IPPK: variants seen among roughly 807,000 people sequenced by gnomAD.
IPPK encodes the protein inositol-pentakisphosphate 2-kinase.
A neutral mutation model predicts 64.6 loss-of-function variants in IPPK; 22 were observed. The observed-to-expected ratio is 0.34, with a 90% confidence interval of 0.24 to 0.49. The LOEUF is 0.49. IPPK is among the 20% of genes least tolerant of loss of function. The probability of loss-of-function intolerance (pLI) is 0.99; values close to 1 mark genes in which losing one functional copy is unlikely to be tolerated. For missense variants in IPPK, 532 were observed against 630.7 expected (o/e 0.84, Z 1.68); for synonymous variants, 262 against 247.2 (o/e 1.06, Z -0.56).
chr9:92,656,652 AG>A, intron 2 of IPPK, 101 bp from the exon 3 acceptor site: 3 of 751,158 alleles, frequency 4.0e-6, no homozygotes, highest in Non-Finnish European at 4.8e-6. Flanking sequence ...ACCACAAGCA[AG>A]GGGGACATCC....
At chr9:92,642,870 A>G (rs1009402884) in intron 6 of IPPK, 60 bp from the exon 7 acceptor site, 4 of 1,256,964 alleles carry the variant, frequency 3.2e-6, no homozygotes, top group African/African-American at 2.9e-5. Context: ...CACTGTGCCA[A>G]CTGAACACAC....
intron 8 of IPPK, among the ~76,000 whole-genome samples, chr9:92,639,222 G>T (rs1044660798): frequency 2.0e-5 from 3 of 151,830 alleles, no homozygotes; most frequent in South Asian, 2.1e-4. Context: ...CAATTTTTTT[G>T]ATTTTTTGTA....
intron 1 of IPPK, among the ~76,000 whole-genome samples, chr9:92,660,015 C>A (rs1196342079): frequency 6.6e-6 from 1 of 152,040 alleles, no homozygotes; most frequent in African/African-American, 2.4e-5. Context: ...AACAATCAAT[C>A]ATGGGAATCG....
At position 92,658,502 on chromosome 9, in the gene IPPK, C is replaced by T. The variant is rs112451856; in HGVS notation, c.129+132G>A. The T allele has an allele frequency of 6.9e-3, 5,361 of 777,172 alleles. 26 individuals carry two copies. Among genetic ancestry groups the T allele is most frequent in the Middle Eastern group, 9.2e-3 (26 of 2,826 alleles). The allele number at this position is 777,172 out of a possible 1,614,324, so 48.1% of individuals were successfully genotyped here. ...TTTTATATCAGGAATGATGGACACA[C>T]CACTTTCTGCACTGAATGCTTGTAT... On this transcript the variant is annotated intron_variant, in intron 2 of 12. Transcript: ENST00000287996.
intron 6 of IPPK, among the ~76,000 whole-genome samples, chr9:92,643,357 G>A (rs966825126): frequency 4.6e-5 from 7 of 152,174 alleles, no homozygotes; most frequent in Admixed American, 3.3e-4. Context: ...CGGCCTTACT[G>A]CTAATAGCAA....
chr9:92,640,207 CCTGA>C (rs1852018583), intron 8 of IPPK, among the ~76,000 whole-genome samples: 1 of 152,184 alleles, frequency 6.6e-6, no homozygotes, highest in South Asian at 2.1e-4. Context: ...GACCCGGCAC[CCTGA>C]CTGCCACCCA....
chr9:92,616,704 T>A (rs1040912132), intron 12 of IPPK: 1 of 152,504 alleles, frequency 6.6e-6, no homozygotes, highest in Non-Finnish European at 1.5e-5. Context: ...CGTGTGCTTA[T>A]AACAAGATGT....
chr9:92,649,328 A>G lies in IPPK; in HGVS notation c.414+125T>C, dbSNP rs1164574664. On this transcript the variant is annotated intron_variant, in intron 5 of 12. Coordinates refer to ENST00000287996, the MANE Select transcript of IPPK (RefSeq NM_022755.6). ...AAGGACAGAAACAAGTGGAGTTTCC[A>G]GGAGCCAAGGGTGCCTACCACTCAC... is the stretch of plus-strand genomic sequence containing the variant. 3.6e-6 allele frequency: 4 copies of G among 1,100,602 alleles called. No individual in the cohort carries two copies. In the South Asian group the frequency reaches 4.5e-5, roughly 12 times the overall value. The allele number at this position is 1,100,602 out of a possible 1,614,324, so 68.2% of individuals were successfully genotyped here.
chr9:92,631,238 C>G (rs1004850635), intron 11 of IPPK, among the ~76,000 whole-genome samples: 2 of 150,272 alleles, frequency 1.3e-5, no homozygotes, highest in African/African-American at 4.9e-5. Context: ...CTCTGTCACC[C>G]AGGCTGGAGT....
chr9:92,669,793 G>A, intron 1 of IPPK, 115 bp downstream of exon 1: 1 of 696,574 alleles, frequency 1.4e-6, no homozygotes, highest in Non-Finnish European at 2.4e-6. Context: ...CCGGGGAGGA[G>A]GAAGGTACTG....
intron 3 of IPPK, among the ~76,000 whole-genome samples, chr9:92,654,129 C>CA (rs1852324119): frequency 6.6e-6 from 1 of 152,178 alleles, no homozygotes; most frequent in African/African-American, 2.4e-5. Flanking sequence ...GGCCTGAACT[C>CA]ACAGTCACCC....
At chr9:92,655,084 C>A (rs1026651724) in intron 3 of IPPK, among the ~76,000 whole-genome samples, 9 of 152,214 alleles carry the variant, frequency 5.9e-5, no homozygotes, top group African/African-American at 1.9e-4. Flanking sequence ...CCCAGACCAG[C>A]GCCACACCCA....
chr9:92,656,044 G>A (rs552153452), intron 3 of IPPK, among the ~76,000 whole-genome samples: 5 of 152,276 alleles, frequency 3.3e-5, no homozygotes, highest in East Asian at 1.9e-4. Flanking sequence ...ATTGGGCAGC[G>A]GAGGCCCTTC....
chr9:92,630,595 A>G (rs982202366), intron 11 of IPPK, among the ~76,000 whole-genome samples: 2 of 152,204 alleles, frequency 1.3e-5, no homozygotes, highest in Non-Finnish European at 2.9e-5. Context: ...GCTAAGCTAC[A>G]AGAATGTTAG....
In IPPK at chr9:92,635,160, C is replaced by G. The variant is rs1851915590; in HGVS notation, c.1065G>C (p.Glu355Asp). ...VERYLEEFPEERKTLQIDGPY... is the reference protein window; with the variant it reads ...VERYLEEFPEDRKTLQIDGPY... ...ACAGGGGGACCGCCCGACCTCACCT[C>G]TCCTCGGGAAACTCTTCCAGGTATC... The change falls in exon 10 of 13, where the codon GAG (glutamate) becomes GAC (aspartate). Residue 355 changes from glutamate to aspartate, a missense_variant and splice_region_variant. Transcript: ENST00000287996. The surrounding 1 kb of genome is among the most constrained non-coding windows in gnomAD (Gnocchi z 4.4). The G allele has an allele frequency of 6.2e-7, 1 of 1,611,458 alleles. No homozygotes were observed. Among genetic ancestry groups the G allele is most frequent in the Admixed American group, 1.7e-5 (1 of 59,680 alleles).
intron 11 of IPPK, among the ~76,000 whole-genome samples, chr9:92,625,951 T>C (rs1386181012): frequency 6.6e-6 from 1 of 152,026 alleles, no homozygotes; most frequent in Admixed American, 6.6e-5. Context: ...AAGGTTTTAT[T>C]GTATCTGATA....
At chr9:92,666,430 C>T (rs1415547090) in intron 1 of IPPK, among the ~76,000 whole-genome samples, 1 of 152,180 alleles carries the variant, frequency 6.6e-6, no homozygotes, top group Non-Finnish European at 1.5e-5. Flanking sequence ...GTGGACTTCA[C>T]TAACCTGAGA....
At chr9:92,649,428 C>A (rs763151551) in intron 5 of IPPK, 25 bp downstream of exon 5, 7 of 1,613,750 alleles carry the variant, frequency 4.3e-6, no homozygotes, top group Non-Finnish European at 5.9e-6. Flanking sequence ...CCTTTACCCA[C>A]ACCATCTGCC....
chr9:92,622,675 C>T (rs1851664647), intron 11 of IPPK, among the ~76,000 whole-genome samples: 1 of 152,052 alleles, frequency 6.6e-6, no homozygotes, highest in African/African-American at 2.4e-5. Context: ...TTTCAACACT[C>T]ATCATTTTAA....
Sources: gnomAD v4.1 joint callset for allele counts (sites outside exome capture counted in the v4.1 genomes callset) on GRCh38, gnomAD v4.1.1 for gene constraint, Gnocchi (gnomAD v3.1) non-coding constraint, MANE v1.5 for transcripts, NCBI Gene and HGNC (gene_info 2026-07-23, HGNC 2026-07-21) for gene names.